ACVR2A: variants seen among roughly 807,000 people sequenced by gnomAD.
ACVR2A encodes activin A receptor type 2A.
In ACVR2A, 7 loss-of-function variants were observed where a neutral mutation model predicts 61.4. The ratio of observed to expected loss-of-function variants is 0.11; its 90% CI spans 0.06 to 0.21. ACVR2A has a LOEUF of 0.21. Among genes scored for constraint, ACVR2A ranks in the 10% least tolerant of loss-of-function variants. The pLI is 1.00. For synonymous variants in ACVR2A, 193 were observed against 208.3 expected, an observed-to-expected ratio of 0.93 and a Z score of 0.63; for missense variants, 322 against 621.7, an observed-to-expected ratio of 0.52 and a Z score of 5.13.
In ACVR2A at chr2:147,928,378, G is replaced by A. The variant is rs1687558377; in HGVS notation, c.*1104G>A. On this transcript the variant is annotated 3_prime_UTR_variant, in exon 11 of 11. Coordinates refer to ENST00000241416, the MANE Select transcript of ACVR2A (RefSeq NM_001616.5). ...CTGTTTTAGGATCACCTCAGGAAGT[G>A]TCGTTACCCAGAATTCCCCACTGTC... is the stretch of plus-strand genomic sequence containing the variant. 1 of 152,060 alleles carries A rather than the reference G, an allele frequency of 6.6e-6. No homozygotes were observed. The highest frequency in any genetic ancestry group is 1.5e-5 in the Non-Finnish European group (1 of 67,874). 9.4% of individuals were successfully genotyped at this position (152,060 alleles called of 1,614,324 possible). A position where few individuals can be genotyped will look rare whatever the true frequency, so the allele number is the denominator to read the frequency against.
At chr2:147,926,243 TTC>T (rs1437614104) in intron 10 of ACVR2A, 82 bp downstream of exon 10, 27 of 1,502,968 alleles carry the variant, frequency 1.8e-5, no homozygotes, top group African/African-American at 2.8e-5. Flanking sequence ...ACATTTCTCT[TTC>T]TTCTGCAAGT....
Position 147,928,617 on chromosome 2 carries a change from GAT to G in ACVR2A, c.*1347_*1348del. The G allele has an allele frequency of 6.6e-6, 1 of 152,218 alleles. No homozygotes were observed. The highest frequency in any genetic ancestry group is 1.9e-4 in the East Asian group (1 of 5,178). The allele number at this position is 152,218 out of a possible 1,614,324, so 9.4% of individuals were successfully genotyped here. ...ATGACATTTAGAGGTAACCAATGTT[GAT>G]ATAGGTAGCATAGCCTAGCCTCCTC... On this transcript the variant is annotated 3_prime_UTR_variant, in exon 11 of 11. Coordinates refer to ENST00000241416, the MANE Select transcript of ACVR2A (RefSeq NM_001616.5).
chr2:147,923,700 G>C (rs1687438836), intron 9 of ACVR2A, among the ~76,000 whole-genome samples: 1 of 151,918 alleles, frequency 6.6e-6, no homozygotes, highest in African/African-American at 2.4e-5. Context: ...TCCTTCATAA[G>C]GTCTTTACTC....
At position 147,856,196 on chromosome 2, in the gene ACVR2A, G is replaced by T. The variant is rs545738879; in HGVS notation, c.55+10989G>T. ...CCTCTCCTGTTGGTGGTAAAGAGGTGGTGCTTGGCACAGGGAAATAAGCTC... is the reference window on the plus strand; with the variant it reads ...CCTCTCCTGTTGGTGGTAAAGAGGTTGTGCTTGGCACAGGGAAATAAGCTC... On this transcript the variant is annotated intron_variant, in intron 1 of 10. Coordinates refer to ENST00000241416, the MANE Select transcript of ACVR2A (RefSeq NM_001616.5). Among the ~76,000 whole-genome samples the T allele has an allele frequency of 3.9e-5, 6 of 152,258 alleles. No individual in the cohort carries two copies. The South Asian group carries it at 1.2e-3, about 32-fold the overall frequency.
chr2:147,875,374 G>A lies in ACVR2A; in HGVS notation c.56-20927G>A, dbSNP rs116949878. 4.3e-3 allele frequency among the ~76,000 whole-genome samples: 656 copies of A among 152,118 alleles called. 2 individuals are homozygous for A. The highest frequency in any genetic ancestry group is 8.3e-3 in the East Asian group (43 of 5,186). On this transcript the variant is annotated intron_variant, in intron 1 of 10. Coordinates refer to ENST00000241416, the MANE Select transcript of ACVR2A (RefSeq NM_001616.5). ...CCATTTTCTCCATTTCCAGAGAGATGTATATGCTCTCTTATTGAGCAGTGT... is the reference window on the plus strand; with the variant it reads ...CCATTTTCTCCATTTCCAGAGAGATATATATGCTCTCTTATTGAGCAGTGT...
At chr2:147,872,257 A>G (rs905992238) in intron 1 of ACVR2A, among the ~76,000 whole-genome samples, 4 of 152,056 alleles carry the variant, frequency 2.6e-5, no homozygotes, top group East Asian at 1.9e-4. Flanking sequence ...AAAGTAAGCC[A>G]TGCGTTGATG....
intron 1 of ACVR2A, among the ~76,000 whole-genome samples, chr2:147,890,907 C>T (rs1686566150): frequency 6.6e-6 from 1 of 152,056 alleles, no homozygotes; most frequent in Admixed American, 6.6e-5. Flanking sequence ...AAAATTGTCA[C>T]AGCATTCCCC....
At chr2:147,889,947 A>G (rs1325430717) in intron 1 of ACVR2A, among the ~76,000 whole-genome samples, 1 of 151,744 alleles carries the variant, frequency 6.6e-6, no homozygotes, top group African/African-American at 2.4e-5. Context: ...TTACTGATTT[A>G]CTGTAAACTG....
chr2:147,868,393 G>A (rs565138849), intron 1 of ACVR2A, among the ~76,000 whole-genome samples: 1 of 152,170 alleles, frequency 6.6e-6, no homozygotes, highest in South Asian at 2.1e-4. Context: ...AAAATAAGTT[G>A]GGCACAGATG....
chr2:147,896,102 A>G (rs1686726493), intron 1 of ACVR2A, among the ~76,000 whole-genome samples, 199 bp from the exon 2 acceptor site: 2 of 152,180 alleles, frequency 1.3e-5, no homozygotes, highest in Non-Finnish European at 2.9e-5. Flanking sequence ...ATACTGTGAT[A>G]TATATGGTTA....
chr2:147,846,873 C>CA (rs1558956572), intron 1 of ACVR2A, among the ~76,000 whole-genome samples: 1 of 152,144 alleles, frequency 6.6e-6, no homozygotes, highest in Non-Finnish European at 1.5e-5. Flanking sequence ...GGAGGGGCAT[C>CA]ATGGCCACTG....
At chr2:147,865,470 A>T (rs1274027840) in intron 1 of ACVR2A, among the ~76,000 whole-genome samples, 1 of 152,170 alleles carries the variant, frequency 6.6e-6, no homozygotes, top group African/African-American at 2.4e-5. Flanking sequence ...TTCTTCTCAA[A>T]GTTCTCTTGT....
At chr2:147,882,068 T>C (rs1157426349) in intron 1 of ACVR2A, among the ~76,000 whole-genome samples, 3 of 152,208 alleles carry the variant, frequency 2.0e-5, no homozygotes, top group Non-Finnish European at 4.4e-5. Flanking sequence ...CTAAAACTTT[T>C]ATGTTGAGGC....
intron 1 of ACVR2A, among the ~76,000 whole-genome samples, chr2:147,865,083 C>T (rs1052297481): frequency 4.6e-5 from 7 of 152,092 alleles, no homozygotes; most frequent in Non-Finnish European, 1.0e-4. Context: ...TCAGATTCTA[C>T]TCCACCTAGT....
intron 1 of ACVR2A, among the ~76,000 whole-genome samples, chr2:147,871,709 A>G (rs1686023781): frequency 6.6e-6 from 1 of 152,112 alleles, no homozygotes; most frequent in South Asian, 2.1e-4. Context: ...ATTGTGTAAT[A>G]TTCTGAGGAC....
chr2:147,845,122 C>T lies in ACVR2A; in HGVS notation c.-31C>T. 1 of 1,582,574 alleles carries T rather than the reference C, an allele frequency of 6.3e-7. No individual in the cohort carries two copies. Among genetic ancestry groups the T allele is most frequent in the Non-Finnish European group, 8.6e-7 (1 of 1,162,490 alleles). On this transcript the variant is annotated 5_prime_UTR_variant, in exon 1 of 11. Transcript: ENST00000241416. ...CAGGGAACTGGATATCTAGCGAGAA[C>T]TTCCTCCGGATTCCCCGGCGCCTCG...
intron 1 of ACVR2A, among the ~76,000 whole-genome samples, chr2:147,893,635 A>G (rs544630521): frequency 2.5e-4 from 38 of 152,264 alleles, no homozygotes; most frequent in African/African-American, 8.4e-4. Context: ...GATTGATAAT[A>G]TTGGGTAGCT....
intron 9 of ACVR2A, among the ~76,000 whole-genome samples, chr2:147,924,191 A>C (rs2105222990): frequency 6.6e-6 from 1 of 152,226 alleles, no homozygotes; most frequent in South Asian, 2.1e-4. Flanking sequence ...ATGTGCATTT[A>C]TGGAAGCAGA....
intron 1 of ACVR2A, among the ~76,000 whole-genome samples, chr2:147,855,169 C>T (rs775680824): frequency 5.3e-5 from 8 of 152,258 alleles, no homozygotes; most frequent in East Asian, 3.9e-4. Flanking sequence ...TGTGAGCCAC[C>T]GCGCCTGGCC....
Sources: allele counts gnomAD v4.1 joint callset (sites outside exome capture counted in the v4.1 genomes callset), GRCh38; gene constraint gnomAD v4.1.1; transcripts MANE v1.5; gene names NCBI Gene and HGNC (gene_info 2026-07-23, HGNC 2026-07-21).